Variants in SYN3 observed in about 807,000 individuals in gnomAD.
The protein encoded by SYN3 is synapsin III.
A neutral mutation model predicts 65.8 loss-of-function variants in SYN3; 35 were observed. That is an observed-to-expected ratio of 0.53 (90% CI 0.41 to 0.70). The LOEUF is 0.70. Ranked by LOEUF, SYN3 falls within the 30% of genes least tolerant of loss-of-function variation. SYN3 has a pLI of 0.00. For synonymous variants in SYN3, 270 were observed against 292.9 expected (o/e 0.92, Z 0.80); for missense variants, 680 against 749.0 (o/e 0.91, Z 1.08).
At chr22:32,898,002 T>C (rs2049645298) in intron 4 of SYN3, among the ~76,000 whole-genome samples, 1 of 151,962 alleles carries the variant, frequency 6.6e-6, no homozygotes, top group Admixed American at 6.6e-5. Flanking sequence ...TTTGTTTGTT[T>C]GTTTGTTTTT....
chr22:32,543,416 C>A lies in SYN3; in HGVS notation c.775-1703G>T, dbSNP rs191947193. ...GTAAGTAGGTGCCTGCCTGTTCTAC[C>A]ACAACGGACCTAAACAGCAACAGGA... is the stretch of plus-strand genomic sequence containing the variant. On this transcript the variant is annotated intron_variant, in intron 7 of 13. Transcript: ENST00000358763. Among the ~76,000 whole-genome samples, 285 of 152,324 alleles carry A rather than the reference C, an allele frequency of 1.9e-3. 1 individual carries two copies. Among genetic ancestry groups the A allele is most frequent in the African/African-American group, 6.7e-3 (277 of 41,568 alleles).
chr22:33,037,267 T>C (rs2053879233), intron 1 of SYN3, among the ~76,000 whole-genome samples: 1 of 152,132 alleles, frequency 6.6e-6, no homozygotes, highest in Non-Finnish European at 1.5e-5. Flanking sequence ...TGGCGTCACT[T>C]GCCCGCTTGC....
intron 12 of SYN3, among the ~76,000 whole-genome samples, chr22:32,524,229 T>C (rs1417302566): frequency 1.3e-5 from 2 of 152,260 alleles, no homozygotes; most frequent in African/African-American, 2.4e-5. Context: ...AAACAACAGA[T>C]TTTCAGTGTA....
At chr22:32,530,593 T>C (rs2058052244) in intron 10 of SYN3, among the ~76,000 whole-genome samples, 1 of 151,754 alleles carries the variant, frequency 6.6e-6, no homozygotes, top group South Asian at 2.1e-4. Context: ...TTTTTTTTTT[T>C]TTCTCAACAG....
chr22:32,942,448 G>A (rs903556895), intron 3 of SYN3, among the ~76,000 whole-genome samples: 3 of 152,200 alleles, frequency 2.0e-5, no homozygotes, highest in South Asian at 2.1e-4. Context: ...CCATTTGTAC[G>A]TCACCATCAT....
intron 6 of SYN3, among the ~76,000 whole-genome samples, chr22:32,636,524 G>A (rs1185466991): frequency 2.6e-5 from 4 of 152,144 alleles, no homozygotes; most frequent in Non-Finnish European, 4.4e-5. Flanking sequence ...TCCCCATGAC[G>A]GGCCATTGCT....
intron 6 of SYN3, among the ~76,000 whole-genome samples, chr22:32,636,375 CG>C (rs1281254259): frequency 1.4e-5 from 2 of 146,240 alleles, no homozygotes; most frequent in Non-Finnish European, 3.0e-5. Flanking sequence ...GCACTCCAGC[CG>C]GGACGACAAA....
Position 32,513,763 on chromosome 22 carries a change from T to G in SYN3, c.1672A>C (p.Ser558Arg). 6.2e-7 allele frequency: 1 copy of G among 1,614,202 alleles called. No homozygotes were observed. Among genetic ancestry groups the G allele is most frequent in the Non-Finnish European group, 8.5e-7 (1 of 1,180,050 alleles). The change falls in exon 14 of 14, where the codon AGT becomes CGT. Residue 558 changes from serine (S) to arginine (R), a missense_variant. By Grantham distance (110) the Ser-to-Arg change is moderately radical. Coordinates refer to ENST00000358763, the MANE Select transcript of SYN3 (RefSeq NM_003490.4). Reference protein sequence around the residue: ...TSDTSQRGTPSEDEAKAETIR... With the variant: ...TSDTSQRGTPREDEAKAETIR... ...GTTTCAGCCTTGGCCTCGTCTTCAC[T>G]TGGGGTCCCACGCTGGGAGGTGTCG... is the stretch of plus-strand genomic sequence containing the variant.
chr22:32,903,361 T>C (rs1054388845), intron 4 of SYN3, among the ~76,000 whole-genome samples: 2 of 152,206 alleles, frequency 1.3e-5, no homozygotes, highest in African/African-American at 4.8e-5. Context: ...TTCGTTTTTT[T>C]AAAAAATACC....
chr22:32,874,961 C>T (rs959261340), intron 4 of SYN3, among the ~76,000 whole-genome samples: 6 of 152,198 alleles, frequency 3.9e-5, no homozygotes, highest in African/African-American at 1.4e-4. Flanking sequence ...AAACAAGCTC[C>T]ATGCTCCTGC....
chr22:32,713,660 C>A lies in SYN3; in HGVS notation c.712-116924G>T, dbSNP rs369307507. Among the ~76,000 whole-genome samples the A allele has an allele frequency of 5.9e-5, 9 of 152,136 alleles. No homozygotes were observed. The East Asian group carries it at 1.2e-3, about 20-fold the overall frequency. Reference sequence around the variant, plus strand: ...CCTGGCTAACACGGTGAAACCCCGTCTCTACTAAAAATACAAAAAAATTAG... The same window carrying A: ...CCTGGCTAACACGGTGAAACCCCGTATCTACTAAAAATACAAAAAAATTAG... On this transcript the variant is annotated intron_variant, in intron 6 of 13. Transcript: ENST00000358763.
At position 32,943,705 on chromosome 22, in the gene SYN3, C is replaced by T. The variant is rs538064673; in HGVS notation, c.370-12224G>A. Among the ~76,000 whole-genome samples the T allele has an allele frequency of 3.3e-5, 5 of 152,266 alleles. No homozygotes were observed. In the East Asian group the frequency reaches 9.6e-4, roughly 29 times the overall value. ...AGTGTGCTGTATTCAGTAGACCCAT[C>T]TCACGTGCAGAGACACACATAGACT... On this transcript the variant is annotated intron_variant, in intron 3 of 13. Coordinates refer to ENST00000358763, the MANE Select transcript of SYN3 (RefSeq NM_003490.4).
At chr22:32,760,881 G>T (rs1251431196) in intron 6 of SYN3, among the ~76,000 whole-genome samples, 2 of 152,132 alleles carry the variant, frequency 1.3e-5, no homozygotes, top group Non-Finnish European at 2.9e-5. Flanking sequence ...GACTATGATG[G>T]GCCAGGACAC....
rs989655285 is a variant in SYN3 at position 32,914,282 on chromosome 22, T to C, written c.461+17108A>G. On this transcript the variant is annotated intron_variant, in intron 4 of 13. Transcript: ENST00000358763. ...CTCAATCATGTAGAAAGCAGCATGG[T>C]GTAGAAGTTAAGAGCATGGATTTAG... is the stretch of plus-strand genomic sequence containing the variant. Among the ~76,000 whole-genome samples, 3 of 152,172 alleles carry C rather than the reference T, an allele frequency of 2.0e-5. No homozygotes were observed. In the South Asian group the frequency reaches 6.2e-4, roughly 32 times the overall value.
chr22:32,676,519 C>T (rs130747), intron 6 of SYN3, among the ~76,000 whole-genome samples: 89 of 129,368 alleles, frequency 6.9e-4, no homozygotes, highest in Non-Finnish European at 9.0e-4. Context: ...TCTTTCTTTT[C>T]TTTTCTTTCT....
chr22:32,733,614 C>T (rs947937331), intron 6 of SYN3, among the ~76,000 whole-genome samples: 7 of 152,198 alleles, frequency 4.6e-5, no homozygotes, highest in African/African-American at 1.7e-4. Context: ...AAGGCAACAG[C>T]CTTATCTTAT....
At chr22:32,726,151 AT>A (rs57175071) in intron 6 of SYN3, among the ~76,000 whole-genome samples, 1 of 150,054 alleles carries the variant, frequency 6.7e-6, no homozygotes, top group Admixed American at 6.6e-5. Flanking sequence ...ATAGATTTTT[AT>A]TTTTTTTTTG....
chr22:32,544,092 C>A (rs762366945), intron 7 of SYN3, among the ~76,000 whole-genome samples: 11 of 152,306 alleles, frequency 7.2e-5, no homozygotes, highest in South Asian at 2.1e-4. Flanking sequence ...GCGTGCACCA[C>A]CATGCCCGGC....
chr22:32,614,555 G>T (rs1171917854), intron 6 of SYN3, among the ~76,000 whole-genome samples: 2 of 152,196 alleles, frequency 1.3e-5, no homozygotes, highest in Non-Finnish European at 2.9e-5. Flanking sequence ...CCAGTGGTGG[G>T]GAGGTGGGGA....
Sources: gnomAD v4.1 joint callset for allele counts (sites outside exome capture counted in the v4.1 genomes callset) on GRCh38, gnomAD v4.1.1 for gene constraint, MANE v1.5 for transcripts, NCBI Gene and HGNC (gene_info 2026-07-23, HGNC 2026-07-21) for gene names.